The following CACNA1B variants were observed in gnomAD, a reference collection of about 807,000 sequenced individuals.
CACNA1B encodes the protein calcium voltage-gated channel subunit alpha1 B.
CACNA1B carries 70 observed loss-of-function variants against 247.2 expected under a neutral mutation model. The ratio of observed to expected loss-of-function variants is 0.28; its 90% CI spans 0.23 to 0.35. The LOEUF (loss-of-function observed/expected upper bound fraction) is 0.35. Ranked by LOEUF, CACNA1B falls within the 10% of genes least tolerant of loss-of-function variation. The pLI is 1.00. For missense variants in CACNA1B, 2,367 were observed against 3,197.4 expected (o/e 0.74, Z 6.26); for synonymous variants, 1,231 against 1,294.4 (o/e 0.95, Z 1.05).
At chr9:138,070,772 C>T (rs981814868) in intron 32 of CACNA1B, among the ~76,000 whole-genome samples, 7 of 152,352 alleles carry the variant, frequency 4.6e-5, no homozygotes, top group African/African-American at 1.7e-4. Context: ...CATTGTCTGT[C>T]CCCTGTCCTC....
rs761769365 is a variant in CACNA1B at position 137,882,905 on chromosome 9, G to A, written c.530+22G>A. 5.0e-6 allele frequency: 8 copies of A among 1,607,858 alleles called. No homozygotes were observed. The Admixed American group carries it at 1.3e-4, about 27-fold the overall frequency. On this transcript the variant is annotated intron_variant, in intron 3 of 46. Coordinates refer to ENST00000371372, the MANE Select transcript of CACNA1B (RefSeq NM_000718.4). The surrounding 1 kb of genome is among the most constrained non-coding windows in gnomAD (Gnocchi z 4.0). ...CAGGGTAGGCAAGCTGAGGCCAGGA[G>A]GCCCAGCGTGTGAGGCCCGGGCGTG...
chr9:138,120,765 C>T lies in CACNA1B; in HGVS notation c.6373C>T (p.Gln2125Ter). 6.4e-7 allele frequency: 1 copy of T among 1,550,802 alleles called. No homozygotes were observed. The highest frequency in any genetic ancestry group is 8.7e-7 in the Non-Finnish European group (1 of 1,147,900). ...RQPSSSSSEKQRFYSCDRFGG... is the reference protein window; with the variant it reads ...RQPSSSSSEK ...GCCCTCATCCTCCTCCTCGGAGAAG[C>T]AGCGCTTCTACTCCTGCGACCGCTT... The change falls in exon 46 of 47, where the codon CAG becomes TAG. Residue 2125 changes from glutamine (Q) to a stop codon, truncating the protein, a stop_gained. Transcript: ENST00000371372. LOFTEE classifies it high-confidence loss of function.
At chr9:137,884,263 G>A (rs1443416228) in intron 3 of CACNA1B, among the ~76,000 whole-genome samples, 1 of 152,022 alleles carries the variant, frequency 6.6e-6, no homozygotes, top group African/African-American at 2.4e-5. Context: ...TGATGTGCTG[G>A]GCACAGCAGC....
chr9:137,988,431 G>A (rs1301242667), intron 15 of CACNA1B, among the ~76,000 whole-genome samples: 2 of 152,172 alleles, frequency 1.3e-5, no homozygotes, highest in Non-Finnish European at 2.9e-5. Flanking sequence ...CCACAGCCAC[G>A]CTTTGCCATG....
In CACNA1B at chr9:138,122,564, T is replaced by A. The variant is rs1375546489; in HGVS notation, c.*565T>A. 1.9e-5 allele frequency: 3 copies of A among 154,058 alleles called. No individual in the cohort carries two copies. Among genetic ancestry groups the A allele is most frequent in the Admixed American group, 1.9e-4 (3 of 15,416 alleles). The allele number at this position is 154,058 out of a possible 1,614,324, so 9.5% of individuals were successfully genotyped here. A position where few individuals can be genotyped will look rare whatever the true frequency, so the allele number is the denominator to read the frequency against. On this transcript the variant is annotated 3_prime_UTR_variant, in exon 47 of 47. Coordinates refer to ENST00000371372, the MANE Select transcript of CACNA1B (RefSeq NM_000718.4). ...CCACAGGAACCGAGCTGGGAAGTGTTCTTGCTGTGGTTGTGATTTTTAATT... is the reference window on the plus strand; with the variant it reads ...CCACAGGAACCGAGCTGGGAAGTGTACTTGCTGTGGTTGTGATTTTTAATT...
intron 6 of CACNA1B, among the ~76,000 whole-genome samples, chr9:137,946,684 C>T (rs1387040668): frequency 1.3e-5 from 2 of 152,090 alleles, no homozygotes; most frequent in East Asian, 3.9e-4. Flanking sequence ...GGATACCTTT[C>T]AGTCTCTCCG....
At position 138,073,585 on chromosome 9, in the gene CACNA1B, C is replaced by G; in HGVS notation, c.4772C>G (p.Thr1591Ser). 1 of 1,608,344 alleles carries G rather than the reference C, an allele frequency of 6.2e-7. No individual in the cohort carries two copies. The change falls in exon 33 of 47, where the codon ACC becomes AGC. Residue 1591 changes from threonine to serine, a missense_variant. Physicochemically the swap from Thr to Ser is moderately conservative, Grantham distance 58. This residue lies in a region of CACNA1B where 436 missense variants were observed against 679.5 expected (regional missense o/e 0.64). Coordinates refer to ENST00000371372, the MANE Select transcript of CACNA1B (RefSeq NM_000718.4). The surrounding 1 kb of genome is among the most constrained non-coding windows in gnomAD (Gnocchi z 6.4). Reference protein sequence around the residue: ...QGYTIRILLWTFVQSFKALPY... With the variant: ...QGYTIRILLWSFVQSFKALPY... ...TACACCATCCGCATCCTGCTGTGGACCTTTGTCCAGTCCTTCAAGGTGGGC... is the reference window on the plus strand; with the variant it reads ...TACACCATCCGCATCCTGCTGTGGAGCTTTGTCCAGTCCTTCAAGGTGGGC...
intron 15 of CACNA1B, among the ~76,000 whole-genome samples, chr9:137,994,042 CAT>C (rs1474585963): frequency 1.5e-4 from 23 of 152,116 alleles, no homozygotes; most frequent in African/African-American, 4.6e-4. Flanking sequence ...GATGGTTTAA[CAT>C]ATGCAAGTCA....
chr9:137,983,905 G>T (rs1226145778), intron 12 of CACNA1B, among the ~76,000 whole-genome samples: 1 of 111,330 alleles, frequency 9.0e-6, no homozygotes, highest in East Asian at 3.4e-4. Flanking sequence ...GGGGTGGGGG[G>T]TGGGAGGGAG....
In CACNA1B at chr9:137,983,944, T is replaced by C. The variant is rs148558520; in HGVS notation, c.1657-194T>C. On this transcript the variant is annotated intron_variant, in intron 12 of 46. Transcript: ENST00000371372. ...AGGTACCAGGACTGGTGGGACTCTATAGCCTTTCCCAAAGGTTCCAAGAGC... is the reference window on the plus strand; with the variant it reads ...AGGTACCAGGACTGGTGGGACTCTACAGCCTTTCCCAAAGGTTCCAAGAGC... Among the ~76,000 whole-genome samples, 49 of 151,490 alleles carry C rather than the reference T, an allele frequency of 3.2e-4. No individual in the cohort carries two copies. In the East Asian group the frequency reaches 9.0e-3, roughly 28 times the overall value.
chr9:138,105,349 GCTC>G (rs781086589), intron 38 of CACNA1B, among the ~76,000 whole-genome samples: 8 of 152,342 alleles, frequency 5.3e-5, no homozygotes, highest in Non-Finnish European at 1.0e-4. Context: ...TGTGGCTGCT[GCTC>G]CTCCTCCCCA....
intron 36 of CACNA1B, among the ~76,000 whole-genome samples, chr9:138,091,202 G>A (rs1005508832): frequency 2.0e-5 from 3 of 152,120 alleles, no homozygotes; most frequent in Admixed American, 6.6e-5. Flanking sequence ...ATACTATTTA[G>A]CCATAAAAAG....
chr9:137,879,777 G>A (rs557475997), intron 2 of CACNA1B, among the ~76,000 whole-genome samples: 6 of 152,320 alleles, frequency 3.9e-5, no homozygotes, highest in East Asian at 1.9e-4. Context: ...CAAGGTCTCC[G>A]TGGCTCAACA....
rs77914810 is a variant in CACNA1B, at chr9:138,058,519, C to T, written c.4309-50C>T. The T allele has an allele frequency of 1.8e-3, 2,695 of 1,536,990 alleles. 39 individuals are homozygous for T. In the African/African-American group the frequency reaches 0.033, roughly 19 times the overall value. The stretch of plus-strand genomic sequence containing the variant: ...CAGGGCTGGGTGCAGTAGATGCCGT[C>T]GGGTAGGTTTTCTGCTTCTGAGTCT... On this transcript the variant is annotated intron_variant, in intron 28 of 46. Coordinates refer to ENST00000371372, the MANE Select transcript of CACNA1B (RefSeq NM_000718.4). This position sits in a 1 kb window ranked among gnomAD's most constrained non-coding sequence, Gnocchi z 4.7.
rs1376244853 is a variant in CACNA1B at position 138,114,474 on chromosome 9, C to T, written c.5633C>T (p.Pro1878Leu). The T allele has an allele frequency of 1.9e-6, 3 of 1,568,578 alleles. No homozygotes were observed. The highest frequency in any genetic ancestry group is 2.6e-6 in the Non-Finnish European group (3 of 1,152,468). ...ACCAGAGACCAGATGCAGCAGGCTC[C>T]TGGAGGCCTCTCCCAGGTAGCTGGC... ...KTTRDQMQQA[P>L]GGLSQMGPVS... Residue 1878 changes from proline (P) to leucine (L), a missense_variant, in exon 41 of 47, where the codon CCT (proline) becomes CTT (leucine). Pro to Leu is a moderately conservative substitution (Grantham distance 98, BLOSUM62 -3). Around this residue, in one of 12 missense-constraint regions of CACNA1B, gnomAD observed 773 missense variants for 779.4 expected, o/e 0.99. Coordinates refer to ENST00000371372, the MANE Select transcript of CACNA1B (RefSeq NM_000718.4).
chr9:138,109,169 A>G (rs1469553348), intron 39 of CACNA1B, among the ~76,000 whole-genome samples: 1 of 152,254 alleles, frequency 6.6e-6, no homozygotes, highest in Non-Finnish European at 1.5e-5. Context: ...AGCTTCATCA[A>G]TCATGTATCA....
intron 10 of CACNA1B, among the ~76,000 whole-genome samples, chr9:137,961,929 G>A (rs1242288662): frequency 6.6e-6 from 1 of 152,126 alleles, no homozygotes. Flanking sequence ...CTTTACAATT[G>A]TTTAGAATAG....
At chr9:138,004,699 T>C (rs1031247959) in intron 15 of CACNA1B, among the ~76,000 whole-genome samples, 5 of 152,228 alleles carry the variant, frequency 3.3e-5, no homozygotes, top group Non-Finnish European at 5.9e-5. Flanking sequence ...ATGTGTGTGA[T>C]GTGTAGTGGA....
At chr9:138,024,931 C>T (rs199980282) in intron 19 of CACNA1B, 24 bp from the exon 20 acceptor site, 2 of 1,518,896 alleles carry the variant, frequency 1.3e-6, no homozygotes, top group Non-Finnish European at 9.0e-7. Context: ...TGCGCCGAGG[C>T]CTGATGTACA....
Sources: gnomAD v4.1 joint callset for allele counts (sites outside exome capture counted in the v4.1 genomes callset) on GRCh38, gnomAD v4.1.1 for gene constraint, gnomAD v4.1.1 regional missense constraint, Gnocchi (gnomAD v3.1) non-coding constraint, MANE v1.5 for transcripts, NCBI Gene and HGNC (gene_info 2026-07-23, HGNC 2026-07-21) for gene names.